GAB3: variants seen among roughly 807,000 people sequenced by gnomAD.
The protein encoded by GAB3 is GRB2-associated-binding protein 3.
GAB3 carries 12 observed loss-of-function variants against 40.4 expected under a neutral mutation model. That is an observed-to-expected ratio of 0.30 (90% CI 0.19 to 0.48). GAB3 has a LOEUF of 0.48. Among genes scored for constraint, GAB3 ranks in the 20% least tolerant of loss-of-function variants. The pLI, the probability that GAB3 is intolerant of heterozygous loss-of-function variation, is 0.99. For missense variants in GAB3, 381 were observed against 461.9 expected (o/e 0.82, Z 1.61); for synonymous variants, 154 against 176.7 (o/e 0.87, Z 1.02).
rs1157981734 is a variant in GAB3, at chrX:154,704,615, C to T, written c.1070-4556G>A. ...AATAATAAAGATCACATCAGAACTACAGAAAAAGTTCGTTCTTCAAAAAGA... is the reference window on the plus strand; with the variant it reads ...AATAATAAAGATCACATCAGAACTATAGAAAAAGTTCGTTCTTCAAAAAGA... On this transcript the variant is annotated intron_variant, in intron 4 of 9. Coordinates refer to ENST00000424127, the MANE Select transcript of GAB3 (RefSeq NM_001081573.3). Among the ~76,000 whole-genome samples, 3 of 111,291 alleles carry T rather than the reference C, an allele frequency of 2.7e-5. No individual in the cohort carries two copies. The Admixed American group carries it at 2.9e-4, about 11-fold the overall frequency.
chrX:154,714,852 G>A (rs1051795481), intron 2 of GAB3, among the ~76,000 whole-genome samples: 2 of 112,486 alleles, frequency 1.8e-5, no homozygotes, highest in African/African-American at 6.5e-5. Context: ...TAGTTGGTCA[G>A]GGAGGTTCTG....
intron 8 of GAB3, among the ~76,000 whole-genome samples, chrX:154,693,555 A>C (rs2070604951): frequency 8.9e-6 from 1 of 112,152 alleles, no homozygotes; most frequent in South Asian, 3.7e-4. Context: ...TATAGTCATG[A>C]AGAACAGATC....
chrX:154,699,910 G>C (rs947630940), intron 5 of GAB3, 94 bp downstream of exon 5: 4 of 718,588 alleles, frequency 5.6e-6, no homozygotes, highest in Non-Finnish European at 8.7e-6. Flanking sequence ...CAGAGACTCA[G>C]AGTGCTGAAT....
rs191108781 is a variant in GAB3 at position 154,681,891 on chromosome X, C to T, written c.1531-1643G>A. The stretch of plus-strand genomic sequence containing the variant: ...ACCTGGTTTCCCCCAGAATGTCTTG[C>T]GTGATCTTGACCCTTTTAGAATCAG... On this transcript the variant is annotated intron_variant, in intron 8 of 9. Coordinates refer to ENST00000424127, the MANE Select transcript of GAB3 (RefSeq NM_001081573.3). Among the ~76,000 whole-genome samples, 39 of 111,588 alleles carry T rather than the reference C, an allele frequency of 3.5e-4. No homozygotes were observed. In the East Asian group the frequency reaches 7.0e-3, roughly 20 times the overall value.
At chrX:154,735,380 G>T (rs2071351153) in intron 1 of GAB3, among the ~76,000 whole-genome samples, 2 of 111,913 alleles carry the variant, frequency 1.8e-5, no homozygotes, top group Admixed American at 1.9e-4. Flanking sequence ...GGAGTGAAAT[G>T]AAAAGTCTAT....
At chrX:154,691,129 GA>G (rs1177079100) in intron 8 of GAB3, among the ~76,000 whole-genome samples, 2 of 109,320 alleles carry the variant, frequency 1.8e-5, no homozygotes, top group Admixed American at 1.9e-4. Flanking sequence ...GGACATGGAT[GA>G]AATTGGAAAT....
intron 1 of GAB3, among the ~76,000 whole-genome samples, chrX:154,742,444 C>A (rs2071455984): frequency 9.0e-6 from 1 of 111,506 alleles, no homozygotes; most frequent in East Asian, 2.8e-4. Flanking sequence ...CTTACATTAG[C>A]CTACAGTTGG....
intron 4 of GAB3, among the ~76,000 whole-genome samples, chrX:154,702,767 A>G (rs1557252665): frequency 8.9e-6 from 1 of 112,517 alleles, no homozygotes; most frequent in East Asian, 2.8e-4. Flanking sequence ...ATTTGAATAC[A>G]CATTTCTCAA....
rs1369831831 is a variant in GAB3, at chrX:154,722,735, A to G, written c.73-6406T>C. Among the ~76,000 whole-genome samples the G allele has an allele frequency of 2.7e-5, 3 of 112,276 alleles. No homozygotes were observed. The Admixed American group carries it at 2.8e-4, about 11-fold the overall frequency. On this transcript the variant is annotated intron_variant, in intron 1 of 9. Coordinates refer to ENST00000424127, the MANE Select transcript of GAB3 (RefSeq NM_001081573.3). ...TTAAAAATGCAAAGAAGATATTTCT[A>G]TACATGTCAGGATGGTAGTTATTTA...
At chrX:154,694,136 C>T (rs1169921417) in intron 8 of GAB3, among the ~76,000 whole-genome samples, 7 of 111,079 alleles carry the variant, frequency 6.3e-5, no homozygotes, top group South Asian at 7.5e-4. Context: ...AGTGAAATAA[C>T]GTAAATCAAA....
intron 1 of GAB3, among the ~76,000 whole-genome samples, chrX:154,728,085 C>T (rs1557259551): frequency 9.0e-6 from 1 of 110,991 alleles, no homozygotes; most frequent in African/African-American, 3.3e-5. Context: ...TGATTATTGT[C>T]CCTTTGTTTC....
At chrX:154,696,074 G>T in intron 7 of GAB3, 55 bp from the exon 8 acceptor site, 1 of 738,339 alleles carries the variant, frequency 1.4e-6, no homozygotes, top group Non-Finnish European at 2.0e-6. Context: ...TGCTCTGAAA[G>T]CTGGCCAGGA....
intron 4 of GAB3, among the ~76,000 whole-genome samples, chrX:154,704,144 C>T (rs967102608): frequency 1.8e-5 from 2 of 110,517 alleles, no homozygotes; most frequent in Non-Finnish European, 3.8e-5. Flanking sequence ...AAGCCAGGTA[C>T]AGAAAGACAA....
At chrX:154,710,978 T>C (rs1557255769) in intron 4 of GAB3, among the ~76,000 whole-genome samples, 1 of 112,456 alleles carries the variant, frequency 8.9e-6, no homozygotes. Flanking sequence ...TGTTCACACA[T>C]GTTAGCATAT....
chrX:154,677,746 G>A lies in GAB3; in HGVS notation c.*432C>T. Reference sequence around the variant, plus strand: ...GAGTAAGATTCTGCCACCATTGCTGGGCTTGATCTCCTCAACTGTCTTCAG... The same window carrying A: ...GAGTAAGATTCTGCCACCATTGCTGAGCTTGATCTCCTCAACTGTCTTCAG... On this transcript the variant is annotated 3_prime_UTR_variant, in exon 10 of 10. Coordinates refer to ENST00000424127, the MANE Select transcript of GAB3 (RefSeq NM_001081573.3). 5.8e-6 allele frequency: 1 copy of A among 172,018 alleles called. No homozygotes were observed. The highest frequency in any genetic ancestry group is 1.1e-5 in the Non-Finnish European group (1 of 92,038). The allele number at this position is 172,018 out of a possible 1,213,427, so 14.2% of individuals were successfully genotyped here.
At chrX:154,743,181 C>A (rs1438496685) in intron 1 of GAB3, among the ~76,000 whole-genome samples, 1 of 109,977 alleles carries the variant, frequency 9.1e-6, no homozygotes, top group Non-Finnish European at 1.9e-5. Context: ...AAAGTGACAT[C>A]TTTAAGGTGC....
chrX:154,709,609 A>G (rs1474459568), intron 4 of GAB3, among the ~76,000 whole-genome samples: 2 of 108,922 alleles, frequency 1.8e-5, no homozygotes, highest in South Asian at 4.0e-4. Context: ...GAGCCACCGC[A>G]CCCAGCCTCA....
At chrX:154,726,611 C>T (rs1557259398) in intron 1 of GAB3, among the ~76,000 whole-genome samples, 1 of 112,028 alleles carries the variant, frequency 8.9e-6, no homozygotes, top group East Asian at 2.8e-4. Flanking sequence ...TTCCCATGAA[C>T]TTCAGACCCA....
At chrX:154,683,411 G>A (rs782228598) in intron 8 of GAB3, among the ~76,000 whole-genome samples, 2 of 112,060 alleles carry the variant, frequency 1.8e-5, no homozygotes, top group East Asian at 5.6e-4. Flanking sequence ...TATAGTATTC[G>A]TGGTCAAATA....
Sources: gnomAD v4.1 joint callset for allele counts (sites outside exome capture counted in the v4.1 genomes callset) on GRCh38, gnomAD v4.1.1 for gene constraint, MANE v1.5 for transcripts, NCBI Gene and HGNC (gene_info 2026-07-23, HGNC 2026-07-21) for gene names.